CLEC16A: variants seen among roughly 807,000 people sequenced by gnomAD.
CLEC16A encodes the protein C-type lectin domain containing 16A.
Under a neutral mutation model 109.5 loss-of-function variants are expected in CLEC16A, and 51 were observed. That is an observed-to-expected ratio of 0.47 (90% CI 0.37 to 0.59). The LOEUF is 0.59. Among genes scored for constraint, CLEC16A ranks in the 20% least tolerant of loss-of-function variants. The probability of loss-of-function intolerance (pLI) is 0.00; values close to 1 mark genes in which losing one functional copy is unlikely to be tolerated. For missense variants in CLEC16A, 1,339 were observed against 1,394.0 expected (o/e 0.96, Z 0.63); for synonymous variants, 673 against 564.2 (o/e 1.19, Z -2.73).
At chr16:11,170,544 G>A (rs924238936) in intron 23 of CLEC16A, among the ~76,000 whole-genome samples, 7 of 152,174 alleles carry the variant, frequency 4.6e-5, no homozygotes, top group African/African-American at 1.7e-4. Context: ...CAGGATTTAG[G>A]CTCAGGCTGT....
intron 19 of CLEC16A, among the ~76,000 whole-genome samples, chr16:11,111,095 A>G (rs992817813): frequency 1.3e-5 from 2 of 151,988 alleles, no homozygotes; most frequent in African/African-American, 4.8e-5. Flanking sequence ...TGCAGCATGT[A>G]GCTTCTTGGT....
intron 19 of CLEC16A, among the ~76,000 whole-genome samples, chr16:11,088,827 G>A (rs1209117651): frequency 3.3e-5 from 5 of 152,224 alleles, no homozygotes; most frequent in East Asian, 3.8e-4. Flanking sequence ...GGGTCCTGCC[G>A]TTGAGTTAGT....
intron 22 of CLEC16A, among the ~76,000 whole-genome samples, chr16:11,144,208 C>G (rs2053959253): frequency 6.6e-6 from 1 of 152,294 alleles, no homozygotes; most frequent in East Asian, 1.9e-4. Context: ...CCCAAATGAG[C>G]AAATCATGCT....
rs1016108022 is a variant in CLEC16A at position 11,178,908 on chromosome 16, C to T, written c.*218C>T. The stretch of plus-strand genomic sequence containing the variant: ...CTCTTCACGTGCAGGCTGGGACCAG[C>T]GGAGACACCGCGGCGAATGCAGATG... On this transcript the variant is annotated 3_prime_UTR_variant, in exon 24 of 24. Transcript: ENST00000409790. This position sits in a 1 kb window ranked among gnomAD's most constrained non-coding sequence, Gnocchi z 6.5. The T allele has an allele frequency of 8.0e-6, 4 of 500,274 alleles. No homozygotes were observed. The highest frequency in any genetic ancestry group is 1.0e-5 in the Non-Finnish European group (3 of 286,422). 31.0% of individuals were successfully genotyped at this position (500,274 alleles called of 1,614,324 possible). A position where few individuals can be genotyped will look rare whatever the true frequency, so the allele number is the denominator to read the frequency against.
At chr16:11,048,714 G>T (rs2047766388) in intron 17 of CLEC16A, among the ~76,000 whole-genome samples, 1 of 152,048 alleles carries the variant, frequency 6.6e-6, no homozygotes, top group South Asian at 2.1e-4. Context: ...GCCCCCGTGG[G>T]CTGCTCATCT....
In CLEC16A at chr16:10,979,383, G is replaced by A. The variant is rs1596853905; in HGVS notation, c.957+1G>A. 1 of 1,612,636 alleles carries A rather than the reference G, an allele frequency of 6.2e-7. No homozygotes were observed. Among genetic ancestry groups the A allele is most frequent in the East Asian group, 2.2e-5 (1 of 44,850 alleles). ...GGTGTCTCTTTATCTTCTGTCACAG[G>A]TATGCTTGATCATTCACCAATGTCC... On this transcript the variant is annotated splice_donor_variant, in intron 9 of 23. Transcript: ENST00000409790. LOFTEE classifies it high-confidence loss of function.
At chr16:11,005,095 C>T (rs546333881) in intron 11 of CLEC16A, among the ~76,000 whole-genome samples, 110 of 152,310 alleles carry the variant, frequency 7.2e-4, no homozygotes, top group African/African-American at 2.5e-3. Context: ...TGGAAAGATG[C>T]TACCTCTTTC....
intron 4 of CLEC16A, 51 bp downstream of exon 4, chr16:10,969,360 T>C: frequency 3.7e-6 from 3 of 802,118 alleles, no homozygotes; most frequent in East Asian, 5.1e-5. Flanking sequence ...CACGTGGCTT[T>C]TTTTTTTTTT....
At position 11,003,188 on chromosome 16, in the gene CLEC16A, G is replaced by T. The variant is rs774312800; in HGVS notation, c.1186G>T (p.Val396Phe). Residue 396 changes from valine to phenylalanine, a missense_variant, in exon 11 of 24, where the codon GTT becomes TTT. Physicochemically the swap from Val to Phe is conservative, Grantham distance 50 (BLOSUM62 -1). Transcript: ENST00000409790. Reference sequence around the variant, plus strand: ...GCAAAAGAGACCCAACTACAAAAACGTTGGGGAAGAAGAAGATGAGGAGAA... The same window carrying T: ...GCAAAAGAGACCCAACTACAAAAACTTTGGGGAAGAAGAAGATGAGGAGAA... ...RVQKRPNYKN[V>F]GEEEDEEKGP... 6.2e-7 allele frequency: 1 copy of T among 1,613,524 alleles called. No individual in the cohort carries two copies. The highest frequency in any genetic ancestry group is 1.1e-5 in the South Asian group (1 of 91,052).
chr16:11,094,860 G>C (rs2080849910), intron 19 of CLEC16A, among the ~76,000 whole-genome samples: 1 of 152,196 alleles, frequency 6.6e-6, no homozygotes, highest in South Asian at 2.1e-4. Flanking sequence ...GAGGTAGCAG[G>C]GGGCTATTTA....
intron 19 of CLEC16A, 64 bp from the exon 20 acceptor site, chr16:11,120,551 G>T: frequency 6.7e-7 from 1 of 1,500,918 alleles, no homozygotes; most frequent in Non-Finnish European, 9.0e-7. Flanking sequence ...AGTCAGCTTT[G>T]GTGTCTCCAT....
intron 9 of CLEC16A, 42 bp from the exon 10 acceptor site, chr16:10,982,836 C>G (rs200484972): frequency 1.7e-6 from 2 of 1,185,254 alleles, no homozygotes; most frequent in East Asian, 2.4e-5. Flanking sequence ...TTGAAAATAC[C>G]GCACACTTTC....
chr16:10,973,341 C>G (rs1356437632), intron 7 of CLEC16A, among the ~76,000 whole-genome samples: 2 of 152,120 alleles, frequency 1.3e-5, no homozygotes, highest in African/African-American at 2.4e-5. Flanking sequence ...GCTCTGTCAG[C>G]TGATGAATGC....
chr16:11,178,572 C>A lies in CLEC16A; in HGVS notation c.3044C>A (p.Pro1015His). ...CTGACCCTTGTCCCCCCAGTTGACC[C>A]CCACAGCCTCCGCAGCCTCACCGGC... ...ESLTLVPPVD[P>H]HSLRSLTGMP... The change falls in exon 24 of 24, where the codon CCC (proline) becomes CAC (histidine). Residue 1015 changes from proline (P) to histidine (H), a missense_variant. Physicochemically the swap from Pro to His is moderately conservative, Grantham distance 77 (BLOSUM62 -2). Coordinates refer to ENST00000409790, the MANE Select transcript of CLEC16A (RefSeq NM_015226.3). The surrounding 1 kb of genome is among the most constrained non-coding windows in gnomAD (Gnocchi z 6.5). The A allele has an allele frequency of 6.2e-7, 1 of 1,611,396 alleles. No homozygotes were observed. The highest frequency in any genetic ancestry group is 1.7e-5 in the Admixed American group (1 of 59,996).
chr16:11,122,189 A>G (rs953266528), intron 20 of CLEC16A, among the ~76,000 whole-genome samples: 1 of 152,176 alleles, frequency 6.6e-6, no homozygotes, highest in Admixed American at 6.5e-5. Context: ...AACCACCCAC[A>G]TACTTGAAGC....
intron 10 of CLEC16A, among the ~76,000 whole-genome samples, chr16:10,997,774 G>T (rs77548380): frequency 6.6e-6 from 1 of 152,116 alleles, no homozygotes; most frequent in Non-Finnish European, 1.5e-5. Context: ...CAGACCTTTC[G>T]CTGTGTATTT....
chr16:10,974,345 A>G (rs1159548544), intron 7 of CLEC16A, among the ~76,000 whole-genome samples: 1 of 152,208 alleles, frequency 6.6e-6, no homozygotes, highest in Non-Finnish European at 1.5e-5. Flanking sequence ...ACTTCAATAA[A>G]TCTCTTTTAA....
At chr16:11,114,924 G>T (rs573547627) in intron 19 of CLEC16A, among the ~76,000 whole-genome samples, 1 of 152,228 alleles carries the variant, frequency 6.6e-6, no homozygotes, top group African/African-American at 2.4e-5. Context: ...TGTCTCACTG[G>T]TGTGGCCGCA....
chr16:11,058,865 G>A (rs1453908010), intron 18 of CLEC16A, among the ~76,000 whole-genome samples: 2 of 152,160 alleles, frequency 1.3e-5, no homozygotes, highest in Admixed American at 6.5e-5. Context: ...AGAAATGAGC[G>A]TCTCCTTGAC....
Sources: gnomAD v4.1 joint callset for allele counts (sites outside exome capture counted in the v4.1 genomes callset) on GRCh38, gnomAD v4.1.1 for gene constraint, Gnocchi (gnomAD v3.1) non-coding constraint, MANE v1.5 for transcripts, NCBI Gene and HGNC (gene_info 2026-07-23, HGNC 2026-07-21) for gene names.